RFWD3: variants seen among roughly 807,000 people sequenced by gnomAD.
RFWD3 encodes the protein E3 ubiquitin-protein ligase RFWD3.
Under a neutral mutation model 87.7 loss-of-function variants are expected in RFWD3, and 65 were observed. The observed-to-expected ratio is 0.74, with a 90% CI of 0.61 to 0.91. The LOEUF (loss-of-function observed/expected upper bound fraction) is 0.91. Among genes scored for constraint, RFWD3 ranks in the 40% least tolerant of loss-of-function variants. The pLI, the probability that RFWD3 is intolerant of heterozygous loss-of-function variation, is 0.00. For synonymous variants in RFWD3, 433 were observed against 352.8 expected (o/e 1.23, Z -2.55); for missense variants, 1,078 against 938.5 (o/e 1.15, Z -1.94).
At chr16:74,642,653 G>A (rs1440675482) in intron 6 of RFWD3, among the ~76,000 whole-genome samples, 4 of 151,946 alleles carry the variant, frequency 2.6e-5, no homozygotes, top group Non-Finnish European at 5.9e-5. Context: ...CACTACACAC[G>A]GATAATTTTT....
rs1445145229 is a variant in RFWD3, at chr16:74,626,393, C to T, written c.2131G>A (p.Asp711Asn). ...CCAGTACACACCAGGATGTTGCCATCATTCTCTGGGCTTTGGAAAATGGCA... is the reference window on the plus strand; with the variant it reads ...CCAGTACACACCAGGATGTTGCCATTATTCTCTGGGCTTTGGAAAATGGCA... ...KNAIFQSPEN[D>N]GNILVCTGDE... Residue 711 changes from aspartate to asparagine, a missense_variant, in exon 12 of 13, where the codon GAT (aspartate) becomes AAT (asparagine). Physicochemically the swap from Asp to Asn is conservative, Grantham distance 23. Transcript: ENST00000361070. 4 of 1,614,082 alleles carry T rather than the reference C, an allele frequency of 2.5e-6. No homozygotes were observed. Among genetic ancestry groups the T allele is most frequent in the Non-Finnish European group, 3.4e-6 (4 of 1,180,040 alleles).
Position 74,621,850 on chromosome 16 carries a change from C to T in RFWD3, c.*2078G>A, listed in dbSNP as rs1958780040. On this transcript the variant is annotated 3_prime_UTR_variant, in exon 13 of 13. Coordinates refer to ENST00000361070, the MANE Select transcript of RFWD3 (RefSeq NM_018124.4). ...GCTGGGACTACAGGCATGCGCACCACTGCACCCAGTTAATTTTTGTATTTT... is the reference window on the plus strand; with the variant it reads ...GCTGGGACTACAGGCATGCGCACCATTGCACCCAGTTAATTTTTGTATTTT... 1.3e-5 allele frequency: 2 copies of T among 152,130 alleles called. No individual in the cohort carries two copies. Among genetic ancestry groups the T allele is most frequent in the Admixed American group, 6.6e-5 (1 of 15,266 alleles). 9.4% of individuals were successfully genotyped at this position (152,130 alleles called of 1,614,324 possible).
In RFWD3 at chr16:74,626,216, G is replaced by C. The variant is rs1026691312; in HGVS notation, c.2181+127C>G. On this transcript the variant is annotated intron_variant, in intron 12 of 12. Coordinates refer to ENST00000361070, the MANE Select transcript of RFWD3 (RefSeq NM_018124.4). Reference sequence around the variant, plus strand: ...CACATACACACATATGCGGATATGTGGGATTACAGAGCAGAACTTACACTT... The same window carrying C: ...CACATACACACATATGCGGATATGTCGGATTACAGAGCAGAACTTACACTT... 6.4e-6 allele frequency: 5 copies of C among 779,272 alleles called. No individual in the cohort carries two copies. In the African/African-American group the frequency reaches 8.7e-5, roughly 14 times the overall value. The allele number at this position is 779,272 out of a possible 1,614,324, so 48.3% of individuals were successfully genotyped here. A position where few individuals can be genotyped will look rare whatever the true frequency, so the allele number is the denominator to read the frequency against.
At chr16:74,644,836 A>G (rs1252186256) in intron 4 of RFWD3, 101 bp from the exon 5 acceptor site, 17 of 1,093,114 alleles carry the variant, frequency 1.6e-5, no homozygotes, top group Non-Finnish European at 2.1e-5. Context: ...AAAAAATGAT[A>G]CAATCAAAAG....
chr16:74,644,880 T>C (rs1290545565), intron 4 of RFWD3, 145 bp from the exon 5 acceptor site: 3 of 666,014 alleles, frequency 4.5e-6, no homozygotes, highest in Non-Finnish European at 7.5e-6. Flanking sequence ...TATGAATCAC[T>C]TGTCATTCTT....
intron 11 of RFWD3, 113 bp downstream of exon 11, chr16:74,628,339 C>T (rs1479014552): frequency 6.3e-6 from 6 of 946,060 alleles, no homozygotes; most frequent in Admixed American, 4.4e-5. Flanking sequence ...CAACACACCT[C>T]GTTAGCCTGT....
chr16:74,643,753 G>A (rs1345781648), intron 6 of RFWD3, among the ~76,000 whole-genome samples: 1 of 138,356 alleles, frequency 7.2e-6, no homozygotes, highest in African/African-American at 2.8e-5. Flanking sequence ...TCGGCTCACT[G>A]CAAGCTCTGC....
intron 2 of RFWD3, among the ~76,000 whole-genome samples, chr16:74,654,858 T>C (rs1960841695): frequency 6.6e-6 from 1 of 152,220 alleles, no homozygotes; most frequent in Non-Finnish European, 1.5e-5. Context: ...CAACATTCCC[T>C]TAAGTGAATC....
At chr16:74,662,429 G>C (rs1961520676) in intron 1 of RFWD3, among the ~76,000 whole-genome samples, 1 of 152,152 alleles carries the variant, frequency 6.6e-6, no homozygotes, top group South Asian at 2.1e-4. Flanking sequence ...AAACAGATAA[G>C]ACCCCATGTA....
intron 6 of RFWD3, among the ~76,000 whole-genome samples, chr16:74,642,618 A>T (rs1959758532): frequency 6.6e-6 from 1 of 152,088 alleles, no homozygotes; most frequent in Non-Finnish European, 1.5e-5. Flanking sequence ...CTCTCTCCTG[A>T]GTAGCTGAGA....
chr16:74,641,853 G>A (rs1230205681), intron 6 of RFWD3, among the ~76,000 whole-genome samples: 2 of 147,106 alleles, frequency 1.4e-5, no homozygotes, highest in Non-Finnish European at 1.5e-5. Context: ...TTGAACCTGG[G>A]AGGCGGGAAG....
At chr16:74,626,736 G>A (rs940274681) in intron 11 of RFWD3, among the ~76,000 whole-genome samples, 182 bp from the exon 12 acceptor site, 3 of 152,134 alleles carry the variant, frequency 2.0e-5, no homozygotes, top group African/African-American at 7.2e-5. Flanking sequence ...ATTTAGAACC[G>A]TAGGCTAGCA....
chr16:74,654,214 T>C (rs528199741), intron 2 of RFWD3, among the ~76,000 whole-genome samples: 9 of 152,220 alleles, frequency 5.9e-5, no homozygotes, highest in Non-Finnish European at 1.3e-4. Flanking sequence ...ATTTCTTGGT[T>C]GGTCTAGCTA....
At chr16:74,653,817 T>C (rs1340293002) in intron 2 of RFWD3, among the ~76,000 whole-genome samples, 1 of 152,230 alleles carries the variant, frequency 6.6e-6, no homozygotes, top group African/African-American at 2.4e-5. Flanking sequence ...TGCAATTTAT[T>C]GATGAATTAG....
At position 74,632,649 on chromosome 16, in the gene RFWD3, G is replaced by A; in HGVS notation, c.1451C>T (p.Thr484Ile). Residue 484 changes from threonine to isoleucine, a missense_variant, in exon 9 of 13, where the codon ACT becomes ATT. Thr to Ile is a moderately conservative substitution (Grantham distance 89). Transcript: ENST00000361070. ...LPGFGVKMLS[T>I]ANMKSSQYIP... ...GTACTGACTGCTCTTCATGTTGGCAGTACTCAACATCTTAACACCAAAGCC... is the reference window on the plus strand; with the variant it reads ...GTACTGACTGCTCTTCATGTTGGCAATACTCAACATCTTAACACCAAAGCC... 1 of 1,614,080 alleles carries A rather than the reference G, an allele frequency of 6.2e-7. No homozygotes were observed. The highest frequency in any genetic ancestry group is 8.5e-7 in the Non-Finnish European group (1 of 1,179,996).
rs1453481101 is a variant in RFWD3, at chr16:74,661,046, T to G, written c.404A>C (p.Glu135Ala). ...SGLQRLHGML[E>A]FLRPSSSNHS... ...GTTTGAAGATGAAGGTCTCAGGAATTCCAGCATGCCATGAAGTCTCTGCAG... is the reference window on the plus strand; with the variant it reads ...GTTTGAAGATGAAGGTCTCAGGAATGCCAGCATGCCATGAAGTCTCTGCAG... The change falls in exon 2 of 13, where the codon GAA becomes GCA. Residue 135 changes from glutamate (E) to alanine (A), a missense_variant. Physicochemically the swap from Glu to Ala is moderately radical, Grantham distance 107 (BLOSUM62 -1). Coordinates refer to ENST00000361070, the MANE Select transcript of RFWD3 (RefSeq NM_018124.4). The G allele has an allele frequency of 6.2e-7, 1 of 1,614,112 alleles. No homozygotes were observed. Among genetic ancestry groups the G allele is most frequent in the African/African-American group, 1.3e-5 (1 of 74,946 alleles).
At chr16:74,636,061 T>C (rs1048674378) in intron 8 of RFWD3, among the ~76,000 whole-genome samples, 9 of 152,366 alleles carry the variant, frequency 5.9e-5, no homozygotes, top group South Asian at 4.1e-4. Flanking sequence ...GTTGAGGACA[T>C]ATAAGTCCTT....
intron 1 of RFWD3, among the ~76,000 whole-genome samples, chr16:74,664,032 G>T (rs972950793): frequency 1.3e-5 from 2 of 152,170 alleles, no homozygotes; most frequent in East Asian, 1.9e-4. Flanking sequence ...AACCACACAG[G>T]CTTACACTCA....
chr16:74,666,449 G>A (rs994473330), intron 1 of RFWD3: 1 of 152,210 alleles, frequency 6.6e-6, no homozygotes, highest in African/African-American at 2.4e-5. Context: ...TGAGGAGCCC[G>A]AGGCTAGGCT....
Sources: allele counts gnomAD v4.1 joint callset (sites outside exome capture counted in the v4.1 genomes callset), GRCh38; gene constraint gnomAD v4.1.1; transcripts MANE v1.5; gene names NCBI Gene and HGNC (gene_info 2026-07-23, HGNC 2026-07-21).